The following PCDHGC4 variants were observed in gnomAD, a reference collection of about 807,000 sequenced individuals.
The protein encoded by PCDHGC4 is protocadherin gamma subfamily C, 4.
Under a neutral mutation model 59.7 loss-of-function variants are expected in PCDHGC4, and 15 were observed. The ratio of observed to expected loss-of-function variants is 0.25; its 90% CI spans 0.17 to 0.39. PCDHGC4 has a LOEUF of 0.39. Among genes scored for constraint, PCDHGC4 ranks in the 10% least tolerant of loss-of-function variants. The probability of loss-of-function intolerance (pLI) is 1.00; values close to 1 mark genes in which losing one functional copy is unlikely to be tolerated. For synonymous variants in PCDHGC4, 434 were observed against 481.4 expected (o/e 0.90, Z 1.29); for missense variants, 1,016 against 1,189.5 (o/e 0.85, Z 2.15).
At chr5:141,501,470 TG>T (rs1206698871) in intron 2 of PCDHGC4, among the ~76,000 whole-genome samples, 1 of 152,068 alleles carries the variant, frequency 6.6e-6, no homozygotes, top group African/African-American at 2.4e-5. Flanking sequence ...CCCCAAATCC[TG>T]GAAGAGTCCC....
Position 141,485,434 on chromosome 5 carries a change from G to T in PCDHGC4, c.261G>T (p.Lys87Asn). The stretch of plus-strand genomic sequence containing the variant: ...TGGACAGCGGAGCCCTGCTCATCAA[G>T]AACCCAATCGACCGAGAGGCACTGT... Reference protein sequence around the residue: ...VDLDSGALLIKNPIDREALCG... With the variant: ...VDLDSGALLINNPIDREALCG... Residue 87 changes from lysine to asparagine, a missense_variant, in exon 1 of 4, where the codon AAG becomes AAT. Transcript: ENST00000306593. This position sits in a 1 kb window ranked among gnomAD's most constrained non-coding sequence, Gnocchi z 5.7. The T allele has an allele frequency of 6.2e-7, 1 of 1,614,166 alleles. No homozygotes were observed. The highest frequency in any genetic ancestry group is 1.6e-4 in the Middle Eastern group (1 of 6,062).
At chr5:141,494,583 G>A (rs2099755431) in intron 1 of PCDHGC4, among the ~76,000 whole-genome samples, 1 of 152,152 alleles carries the variant, frequency 6.6e-6, no homozygotes, top group Non-Finnish European at 1.5e-5. Flanking sequence ...CTTGCTCACT[G>A]TGGTCAGATG....
At chr5:141,505,245 A>G (rs530515894) in intron 2 of PCDHGC4, 148 bp from the exon 3 acceptor site, 294 of 1,430,832 alleles carry the variant, frequency 2.1e-4, no homozygotes, top group Admixed American at 1.8e-3. Flanking sequence ...GAAGGATTGT[A>G]GAAGTGCCTC....
chr5:141,485,247 G>T lies in PCDHGC4; in HGVS notation c.74G>T (p.Gly25Val). Residue 25 changes from glycine to valine, a missense_variant, in exon 1 of 4, where the codon GGT (glycine) becomes GTT (valine). By Grantham distance (109) the Gly-to-Val change is moderately radical. Coordinates refer to ENST00000306593, the MANE Select transcript of PCDHGC4 (RefSeq NM_018928.3). The surrounding 1 kb of genome is among the most constrained non-coding windows in gnomAD (Gnocchi z 5.7). Reference protein sequence around the residue: ...ATLLFLFYHLGYVCGQIRYPV... With the variant: ...ATLLFLFYHLVYVCGQIRYPV... ...CTTTTGTTCCTCTTTTACCACCTGG[G>T]TTACGTTTGTGGGCAGATCCGCTAC... The T allele has an allele frequency of 2.5e-6, 4 of 1,614,156 alleles. No individual in the cohort carries two copies. The highest frequency in any genetic ancestry group is 3.4e-6 in the Non-Finnish European group (4 of 1,180,010).
intron 3 of PCDHGC4, among the ~76,000 whole-genome samples, chr5:141,509,335 G>C (rs113423267): frequency 6.6e-6 from 1 of 152,144 alleles, no homozygotes; most frequent in African/African-American, 2.4e-5. Context: ...CTGCCAGCTG[G>C]GCCTGGGCTG....
intron 2 of PCDHGC4, 91 bp from the exon 3 acceptor site, chr5:141,505,302 G>T: frequency 6.3e-7 from 1 of 1,592,714 alleles, no homozygotes; most frequent in Non-Finnish European, 8.5e-7. Context: ...TAGGGTTAGG[G>T]TACTAGGTTT....
At chr5:141,505,993 T>TGCGA (rs2099849805) in intron 3 of PCDHGC4, among the ~76,000 whole-genome samples, 1 of 152,188 alleles carries the variant, frequency 6.6e-6, no homozygotes, top group African/African-American at 2.4e-5. Context: ...CTCCTCTTTA[T>TGCGA]GCGAGGCTCC....
At chr5:141,506,382 G>T (rs1311307230) in intron 3 of PCDHGC4, among the ~76,000 whole-genome samples, 1 of 151,500 alleles carries the variant, frequency 6.6e-6, no homozygotes, top group East Asian at 1.9e-4. Flanking sequence ...CTGGGAGGTG[G>T]CTGTGGTGAG....
intron 2 of PCDHGC4, among the ~76,000 whole-genome samples, chr5:141,502,905 A>T (rs1364939091): frequency 1.5e-5 from 2 of 131,814 alleles, no homozygotes; most frequent in Non-Finnish European, 3.0e-5. Flanking sequence ...CTCTGTTGCC[A>T]GGCTGGAGTG....
Position 141,485,365 on chromosome 5 carries a change from G to A in PCDHGC4, c.192G>A (p.Leu64=). 1 of 1,614,120 alleles carries A rather than the reference G, an allele frequency of 6.2e-7. No homozygotes were observed. Among genetic ancestry groups the A allele is most frequent in the Admixed American group, 1.7e-5 (1 of 60,018 alleles). ...LDTDSLSARR[L]QVAGEVNQRH... ...CGGACAGTCTGTCAGCTCGCAGGCT[G>A]CAGGTCGCTGGAGAGGTGAACCAAA... The change falls in exon 1 of 4, where the codon CTG becomes CTA. Residue 64 remains leucine, a synonymous_variant. Transcript: ENST00000306593. The surrounding 1 kb of genome is among the most constrained non-coding windows in gnomAD (Gnocchi z 5.7).
chr5:141,505,377 C>G lies in PCDHGC4; in HGVS notation c.2502-16C>G, dbSNP rs1368451336. 1.9e-6 allele frequency: 3 copies of G among 1,614,036 alleles called. No homozygotes were observed. In the East Asian group the frequency reaches 6.7e-5, roughly 36 times the overall value. On this transcript the variant is annotated splice_polypyrimidine_tract_variant and intron_variant, in intron 2 of 3. Coordinates refer to ENST00000306593, the MANE Select transcript of PCDHGC4 (RefSeq NM_018928.3). Reference sequence around the variant, plus strand: ...CGGCCTGGGAGTCTGTGCTCACCATCCTACTCTCTCCCCAGCTCCCAAAAT... The same window carrying G: ...CGGCCTGGGAGTCTGTGCTCACCATGCTACTCTCTCCCCAGCTCCCAAAAT...
In PCDHGC4 at chr5:141,505,352, C is replaced by T. The variant is rs371829394; in HGVS notation, c.2502-41C>T. 1.5e-5 allele frequency: 25 copies of T among 1,613,302 alleles called. No individual in the cohort carries two copies. In the South Asian group the frequency reaches 2.7e-4, roughly 18 times the overall value. ...AGGACAGGAGGGGCATGAGCTGTGCCGGCCTGGGAGTCTGTGCTCACCATC... is the reference window on the plus strand; with the variant it reads ...AGGACAGGAGGGGCATGAGCTGTGCTGGCCTGGGAGTCTGTGCTCACCATC... On this transcript the variant is annotated intron_variant, in intron 2 of 3. Transcript: ENST00000306593.
Position 141,486,862 on chromosome 5 carries a change from A to G in PCDHGC4, c.1689A>G (p.Pro563=). The G allele has an allele frequency of 6.2e-7, 1 of 1,614,256 alleles. No individual in the cohort carries two copies. The highest frequency in any genetic ancestry group is 1.3e-5 in the African/African-American group (1 of 75,078). The change falls in exon 1 of 4, where the codon CCA becomes CCG. Residue 563 remains proline (P), a synonymous_variant. Transcript: ENST00000306593. This position sits in a 1 kb window ranked among gnomAD's most constrained non-coding sequence, Gnocchi z 5.0. ...LFVLDLNDNA[P]AVLRPRARPG... is the part of the protein sequence containing the mutation. Reference sequence around the variant, plus strand: ...TGCTGGACCTCAATGACAATGCTCCAGCTGTGCTCCGTCCTCGGGCCCGGC... The same window carrying G: ...TGCTGGACCTCAATGACAATGCTCCGGCTGTGCTCCGTCCTCGGGCCCGGC...
At chr5:141,510,754 C>G (rs1407911674) in intron 3 of PCDHGC4, among the ~76,000 whole-genome samples, 193 bp from the exon 4 acceptor site, 3 of 152,168 alleles carry the variant, frequency 2.0e-5, no homozygotes, top group African/African-American at 7.2e-5. Flanking sequence ...GACTTTCTCA[C>G]TCCAGAGCCT....
chr5:141,501,442 T>C (rs1202229661), intron 2 of PCDHGC4, among the ~76,000 whole-genome samples: 1 of 152,016 alleles, frequency 6.6e-6, no homozygotes, highest in African/African-American at 2.4e-5. Context: ...ATTTCTTCCA[T>C]TTTTACTTTT....
Position 141,491,019 on chromosome 5 carries a change from A to G in PCDHGC4, c.2442+3404A>G. 5 of 1,614,116 alleles carry G rather than the reference A, an allele frequency of 3.1e-6. No individual in the cohort carries two copies. The highest frequency in any genetic ancestry group is 4.2e-6 in the Non-Finnish European group (5 of 1,180,026). ...CTGGCTCCTTGGTCACCAAGGTGAC[A>G]GCCGTGGATGCTGATGCAGGCCACA... On this transcript the variant is annotated intron_variant, in intron 1 of 3. Coordinates refer to ENST00000306593, the MANE Select transcript of PCDHGC4 (RefSeq NM_018928.3). This position sits in a 1 kb window ranked among gnomAD's most constrained non-coding sequence, Gnocchi z 6.9.
chr5:141,487,616 G>A lies in PCDHGC4; in HGVS notation c.2442+1G>A. On this transcript the variant is annotated splice_donor_variant, in intron 1 of 3. Transcript: ENST00000306593. LOFTEE classifies it high-confidence loss of function. This position sits in a 1 kb window ranked among gnomAD's most constrained non-coding sequence, Gnocchi z 5.0. ...CTCTGATCTTCTCTATGGGCTAGAG[G>A]TGAGACCTTTGCAGGCTCAACAAAT... 2 of 1,614,220 alleles carry A rather than the reference G, an allele frequency of 1.2e-6. No homozygotes were observed. The highest frequency in any genetic ancestry group is 1.7e-6 in the Non-Finnish European group (2 of 1,180,044).
Position 141,510,999 on chromosome 5 carries a change from G to C in PCDHGC4, c.2643G>C (p.Leu881Phe). Residue 881 changes from leucine (L) to phenylalanine (F), a missense_variant, in exon 4 of 4, where the codon TTG (leucine) becomes TTC (phenylalanine). Coordinates refer to ENST00000306593, the MANE Select transcript of PCDHGC4 (RefSeq NM_018928.3). ...GAGGGGGTGCCGGCACCATGGGATT[G>C]AGCGCCCGCTACGGACCCCAGTTCA... ...TLGGGAGTMG[L>F]SARYGPQFTL... 6.2e-7 allele frequency: 1 copy of C among 1,614,144 alleles called. No homozygotes were observed. Among genetic ancestry groups the C allele is most frequent in the Non-Finnish European group, 8.5e-7 (1 of 1,180,008 alleles).
chr5:141,496,499 G>A (rs1417059875), intron 2 of PCDHGC4, among the ~76,000 whole-genome samples: 1 of 152,102 alleles, frequency 6.6e-6, no homozygotes, highest in Non-Finnish European at 1.5e-5. Context: ...AACCCTTGTT[G>A]CCACAAGGAC....
Sources: allele counts gnomAD v4.1 joint callset (sites outside exome capture counted in the v4.1 genomes callset), GRCh38; gene constraint gnomAD v4.1.1; non-coding constraint Gnocchi (gnomAD v3.1); transcripts MANE v1.5; gene names NCBI Gene and HGNC (gene_info 2026-07-23, HGNC 2026-07-21).